Variants in ASTN1 observed in about 807,000 individuals in gnomAD.
The protein encoded by ASTN1 is astrotactin-1.
Under a neutral mutation model 140.7 loss-of-function variants are expected in ASTN1, and 41 were observed. The ratio of observed to expected loss-of-function variants is 0.29; its 90% CI spans 0.23 to 0.38. ASTN1 has a LOEUF of 0.38. Among genes scored for constraint, ASTN1 ranks in the 10% least tolerant of loss-of-function variants. ASTN1 has a pLI of 1.00. For synonymous variants in ASTN1, 640 were observed against 652.2 expected (o/e 0.98, Z 0.29); for missense variants, 1,479 against 1,678.8 (o/e 0.88, Z 2.08).
At chr1:177,004,998 C>T (rs1674921608) in intron 8 of ASTN1, among the ~76,000 whole-genome samples, 1 of 152,122 alleles carries the variant, frequency 6.6e-6, no homozygotes, top group African/African-American at 2.4e-5. Context: ...AACTAAAAAG[C>T]TTCTGCACAG....
intron 13 of ASTN1, 51 bp from the exon 14 acceptor site, chr1:176,944,069 C>T (rs755246336): frequency 1.3e-6 from 2 of 1,576,058 alleles, no homozygotes; most frequent in Non-Finnish European, 1.7e-6. Context: ...AACCTGACTC[C>T]TTACTGAGCA....
chr1:176,867,622 A>G (rs1668172619), intron 22 of ASTN1, among the ~76,000 whole-genome samples: 1 of 152,210 alleles, frequency 6.6e-6, no homozygotes, highest in South Asian at 2.1e-4. Context: ...GAAATTATTT[A>G]TGGATTGTAG....
At chr1:177,048,261 G>T (rs1459931432) in intron 2 of ASTN1, among the ~76,000 whole-genome samples, 1 of 152,124 alleles carries the variant, frequency 6.6e-6, no homozygotes, top group Non-Finnish European at 1.5e-5. Context: ...TGGCAACATG[G>T]GACTGACTTG....
In ASTN1 at chr1:177,115,655, AAAATAAATAAAT is replaced by A. The variant is rs3041964; in HGVS notation, c.283+48727_283+48738del. ...CTGGGCAACAGAGAGAGACTGTGTC[AAAATAAATAAAT>A]AAATAAATAAATAAATAAATAAATA... On this transcript the variant is annotated intron_variant, in intron 1 of 22. Transcript: ENST00000361833. Among the ~76,000 whole-genome samples, 118 of 141,966 alleles carry A rather than the reference AAAATAAATAAAT, an allele frequency of 8.3e-4. 1 individual carries two copies. In the Middle Eastern group the frequency reaches 0.011, roughly 13 times the overall value. The allele number at this position is 141,966 out of a possible 152,430, so 93.1% of individuals were successfully genotyped here. A position where few individuals can be genotyped will look rare whatever the true frequency, so the allele number is the denominator to read the frequency against.
At chr1:176,879,606 G>T (rs1283440654) in intron 20 of ASTN1, among the ~76,000 whole-genome samples, 1 of 152,162 alleles carries the variant, frequency 6.6e-6, no homozygotes. Context: ...CTGCCCTGTG[G>T]CCTGCCTTGC....
chr1:176,924,111 G>A (rs766469517), intron 16 of ASTN1, among the ~76,000 whole-genome samples: 4 of 152,108 alleles, frequency 2.6e-5, no homozygotes, highest in Admixed American at 6.6e-5. Context: ...AAGAAAATGC[G>A]CTAAACAAAT....
chr1:177,015,020 T>C lies in ASTN1; in HGVS notation c.1439-145A>G, dbSNP rs77516241. The C allele has an allele frequency of 0.016, 10,948 of 672,080 alleles. 832 individuals are homozygous for C. In the African/African-American group the frequency reaches 0.17, roughly 10 times the overall value. The allele number at this position is 672,080 out of a possible 1,614,324, so 41.6% of individuals were successfully genotyped here. On this transcript the variant is annotated intron_variant, in intron 7 of 22. Transcript: ENST00000361833. ...TGAGACAGTAAGTTCCATTATGTCA[T>C]ATACTCCCCTCTCCACCACTCACAT...
At chr1:177,023,038 T>C (rs1675905051) in intron 7 of ASTN1, among the ~76,000 whole-genome samples, 1 of 152,240 alleles carries the variant, frequency 6.6e-6, no homozygotes, top group South Asian at 2.1e-4. Context: ...TTTTCTTCTA[T>C]AAACTTTTCT....
At chr1:177,029,348 C>G (rs745462291) in intron 5 of ASTN1, 2 of 626,704 alleles carry the variant, frequency 3.2e-6, no homozygotes, top group East Asian at 7.1e-5. Flanking sequence ...ACTCCTGAGT[C>G]TTCCAGAAGA....
rs1416521290 is a variant in ASTN1, at chr1:177,128,437, C to T, written c.283+35957G>A. On this transcript the variant is annotated intron_variant, in intron 1 of 22. Transcript: ENST00000361833. Reference sequence around the variant, plus strand: ...TTAAAATTGTTACCCTCAAATTCTCCATATATTTCTTTCAAAAGTCAAATG... The same window carrying T: ...TTAAAATTGTTACCCTCAAATTCTCTATATATTTCTTTCAAAAGTCAAATG... Among the ~76,000 whole-genome samples, 4 of 152,236 alleles carry T rather than the reference C, an allele frequency of 2.6e-5. No homozygotes were observed. The East Asian group carries it at 5.8e-4, about 22-fold the overall frequency.
In ASTN1 at chr1:177,030,949, C is replaced by T; in HGVS notation, c.869G>A (p.Ser290Asn). Reference sequence around the variant, plus strand: ...CATCAGTGACAGCTTGGCATTGTCACTTCCTGTATAAGGAAAAGACGAGGC... The same window carrying T: ...CATCAGTGACAGCTTGGCATTGTCATTTCCTGTATAAGGAAAAGACGAGGC... ...EKSGMDLTPG[S>N]DNAKLSLMNK... The change falls in exon 4 of 23, where the codon AGT (serine) becomes AAT (asparagine). Residue 290 changes from serine to asparagine, a missense_variant. Ser to Asn is a conservative substitution (Grantham distance 46). Coordinates refer to ENST00000361833, the MANE Select transcript of ASTN1 (RefSeq NM_004319.3). 6.2e-7 allele frequency: 1 copy of T among 1,611,268 alleles called. No individual in the cohort carries two copies. Among genetic ancestry groups the T allele is most frequent in the Non-Finnish European group, 8.5e-7 (1 of 1,178,446 alleles).
intron 1 of ASTN1, among the ~76,000 whole-genome samples, chr1:177,162,872 C>T (rs573889452): frequency 1.3e-5 from 2 of 152,238 alleles, no homozygotes; most frequent in South Asian, 4.1e-4. Flanking sequence ...CAGCTAGTCC[C>T]CAGTTTTTAT....
At chr1:176,857,704 A>G (rs1320792994), downstream of ASTN1, 2 of 515,324 alleles carry the variant, frequency 3.9e-6, no homozygotes, top group South Asian at 3.3e-5. Flanking sequence ...AGTCAGCACT[A>G]TGTGATACAG....
intron 1 of ASTN1, among the ~76,000 whole-genome samples, chr1:177,118,010 A>G (rs1470832746): frequency 5.3e-5 from 8 of 152,204 alleles, no homozygotes; most frequent in Non-Finnish European, 2.9e-5. Context: ...GATTATATGT[A>G]TATATATTTG....
rs12030463 is a variant in ASTN1, at chr1:176,940,926, G to A, written c.2377+2965C>T. 3.3e-4 allele frequency among the ~76,000 whole-genome samples: 50 copies of A among 152,266 alleles called. No homozygotes were observed. In the East Asian group the frequency reaches 8.1e-3, roughly 25 times the overall value. On this transcript the variant is annotated intron_variant, in intron 14 of 22. Transcript: ENST00000361833. Reference sequence around the variant, plus strand: ...GCTTCTAGGAAACTTCTCTAATGTCGAGGTGTTGTCTATTGCTGAGAGGAG... The same window carrying A: ...GCTTCTAGGAAACTTCTCTAATGTCAAGGTGTTGTCTATTGCTGAGAGGAG...
intron 2 of ASTN1, among the ~76,000 whole-genome samples, chr1:177,034,766 A>AT (rs1406555797): frequency 1.3e-5 from 2 of 152,204 alleles, no homozygotes; most frequent in Non-Finnish European, 1.5e-5. Flanking sequence ...AACTGCAACA[A>AT]TAGGTAATTA....
chr1:176,873,462 A>T (rs1381389952), intron 21 of ASTN1, among the ~76,000 whole-genome samples: 1 of 152,210 alleles, frequency 6.6e-6, no homozygotes, highest in Non-Finnish European at 1.5e-5. Context: ...ATAAATCTTC[A>T]CATAAGGGAT....
intron 22 of ASTN1, among the ~76,000 whole-genome samples, chr1:176,867,978 A>C (rs1668189761): frequency 1.4e-5 from 2 of 145,124 alleles, no homozygotes; most frequent in South Asian, 4.3e-4. Context: ...TTCCTTTTAA[A>C]TTTTTTCCTT....
chr1:177,155,099 A>G (rs1683186017), intron 1 of ASTN1, among the ~76,000 whole-genome samples: 1 of 152,176 alleles, frequency 6.6e-6, no homozygotes, highest in East Asian at 1.9e-4. Context: ...TAAGGAAAAG[A>G]GGCAAGTCTA....
Sources: allele counts gnomAD v4.1 joint callset (sites outside exome capture counted in the v4.1 genomes callset), GRCh38; gene constraint gnomAD v4.1.1; transcripts MANE v1.5; gene names NCBI Gene and HGNC (gene_info 2026-07-23, HGNC 2026-07-21).